MAD1L1: variants seen among roughly 807,000 people sequenced by gnomAD.
The protein encoded by MAD1L1 is mitotic spindle assembly checkpoint protein MAD1.
MAD1L1 carries 95 observed loss-of-function variants against 96.9 expected under a neutral mutation model. The ratio of observed to expected loss-of-function variants is 0.98; its 90% confidence interval spans 0.83 to 1.16. MAD1L1 has a LOEUF of 1.16. Ranked by LOEUF, MAD1L1 falls within the 50% of genes most tolerant of loss-of-function variation. The pLI, the probability that MAD1L1 is intolerant of heterozygous loss-of-function variation, is 0.00. For synonymous variants in MAD1L1, 473 were observed against 396.6 expected (o/e 1.19, Z -2.29); for missense variants, 1,007 against 954.4 (o/e 1.06, Z -0.73).
At chr7:1,965,177 A>G (rs1217616585) in intron 15 of MAD1L1, among the ~76,000 whole-genome samples, 1 of 152,194 alleles carries the variant, frequency 6.6e-6, no homozygotes, top group Admixed American at 6.5e-5. Context: ...GAGGCTGGCG[A>G]GTGGGGTACG....
At chr7:2,013,903 G>A (rs35745518) in intron 13 of MAD1L1, among the ~76,000 whole-genome samples, 50,199 of 152,140 alleles carry the variant, frequency 0.33, 8,452 homozygotes, top group Middle Eastern at 0.39. Context: ...ACAAGGGCAC[G>A]GAGCGTCACG....
At chr7:1,834,866 A>G (rs1296988066) in intron 18 of MAD1L1, among the ~76,000 whole-genome samples, 5 of 152,018 alleles carry the variant, frequency 3.3e-5, no homozygotes, top group Admixed American at 3.3e-4. Flanking sequence ...GCACCCCCCC[A>G]AAACTATGGA....
At chr7:1,985,560 T>G (rs1306102055) in intron 14 of MAD1L1, among the ~76,000 whole-genome samples, 1 of 152,240 alleles carries the variant, frequency 6.6e-6, no homozygotes, top group Non-Finnish European at 1.5e-5. Context: ...TTAGATGGTG[T>G]GTCTGTGTCT....
intron 11 of MAD1L1, among the ~76,000 whole-genome samples, chr7:2,098,640 A>T (rs759042198): frequency 6.6e-6 from 1 of 152,204 alleles, no homozygotes; most frequent in Non-Finnish European, 1.5e-5. Context: ...CATCCAGCAC[A>T]GCCCTGGTCA....
At position 1,828,927 on chromosome 7, in the gene MAD1L1, A is replaced by G. The variant is rs566091168; in HGVS notation, c.1999-12699T>C. On this transcript the variant is annotated intron_variant, in intron 18 of 18. Transcript: ENST00000265854. ...TTGACCTTCTAAGGATGAAGACAAC[A>G]AGTACGGGGGACGGATCCATGCCAG... Among the ~76,000 whole-genome samples, 6 of 152,352 alleles carry G rather than the reference A, an allele frequency of 3.9e-5. No individual in the cohort carries two copies. The South Asian group carries it at 1.2e-3, about 32-fold the overall frequency.
intron 11 of MAD1L1, among the ~76,000 whole-genome samples, chr7:2,098,853 G>C (rs1242094507): frequency 6.6e-6 from 1 of 152,240 alleles, no homozygotes; most frequent in Non-Finnish European, 1.5e-5. Flanking sequence ...TGGAGGAACA[G>C]AAGGAAAGCC....
At chr7:2,132,428 G>C (rs1189566654) in intron 11 of MAD1L1, among the ~76,000 whole-genome samples, 1 of 150,756 alleles carries the variant, frequency 6.6e-6, no homozygotes, top group Non-Finnish European at 1.5e-5. Context: ...TGCTGCGTGC[G>C]ACCGCGCGTC....
chr7:1,919,329 C>T (rs1788628292), intron 17 of MAD1L1, among the ~76,000 whole-genome samples: 1 of 152,270 alleles, frequency 6.6e-6, no homozygotes, highest in Admixed American at 6.5e-5. Flanking sequence ...CAGATGGACA[C>T]ACGGTGTGTT....
intron 5 of MAD1L1, among the ~76,000 whole-genome samples, chr7:2,221,969 G>C (rs149511101): frequency 6.6e-6 from 1 of 152,028 alleles, no homozygotes; most frequent in African/African-American, 2.4e-5. Flanking sequence ...GCTACCTGTC[G>C]CATACATACA....
At chr7:2,007,438 T>A (rs1782082546) in intron 13 of MAD1L1, among the ~76,000 whole-genome samples, 1 of 152,174 alleles carries the variant, frequency 6.6e-6, no homozygotes, top group Non-Finnish European at 1.5e-5. Context: ...TCCCAGCACT[T>A]TGGGAGGCCG....
At chr7:2,078,622 G>A (rs1785492402) in intron 11 of MAD1L1, among the ~76,000 whole-genome samples, 1 of 152,244 alleles carries the variant, frequency 6.6e-6, no homozygotes, top group Admixed American at 6.5e-5. Context: ...AGCCTCCTGA[G>A]CAGTTTCCCA....
chr7:1,898,456 G>T, intron 17 of MAD1L1, 66 bp from the exon 18 acceptor site: 9 of 1,451,144 alleles, frequency 6.2e-6, no homozygotes, highest in Non-Finnish European at 7.6e-6. Context: ...ACCCGGGAGC[G>T]GCCAGGGCAG....
intron 12 of MAD1L1, among the ~76,000 whole-genome samples, chr7:2,056,025 G>C (rs1031517716): frequency 1.5e-4 from 23 of 152,178 alleles, no homozygotes; most frequent in African/African-American, 5.1e-4. Flanking sequence ...TAGCATCAAG[G>C]CTGGCCGCAT....
At chr7:2,082,505 G>T (rs531067631) in intron 11 of MAD1L1, among the ~76,000 whole-genome samples, 1 of 152,234 alleles carries the variant, frequency 6.6e-6, no homozygotes, top group Non-Finnish European at 1.5e-5. Flanking sequence ...AATCAGAGCC[G>T]TGAGGCATGG....
chr7:2,031,817 T>C (rs972701192), intron 12 of MAD1L1, among the ~76,000 whole-genome samples: 1 of 152,224 alleles, frequency 6.6e-6, no homozygotes, highest in Non-Finnish European at 1.5e-5. Flanking sequence ...TGAGTGCAGT[T>C]TATTTGACAG....
intron 10 of MAD1L1, chr7:2,200,616 A>C (rs1792238942): frequency 6.6e-6 from 1 of 152,320 alleles, no homozygotes; most frequent in African/African-American, 2.4e-5. Flanking sequence ...CACTTAGTCC[A>C]CATGAGCCGC....
intron 11 of MAD1L1, among the ~76,000 whole-genome samples, chr7:2,099,999 C>T (rs986721085): frequency 2.6e-5 from 4 of 152,356 alleles, no homozygotes; most frequent in African/African-American, 9.6e-5. Context: ...GAGCTCCTTA[C>T]AGGTAGAGGT....
chr7:1,849,312 T>C (rs982247993), intron 18 of MAD1L1: 1 of 152,248 alleles, frequency 6.6e-6, no homozygotes, highest in Admixed American at 6.5e-5. Flanking sequence ...GGAGGGGCCA[T>C]GTTTACCAGC....
intron 7 of MAD1L1, among the ~76,000 whole-genome samples, chr7:2,216,702 A>G (rs1793303086): frequency 2.0e-5 from 3 of 152,092 alleles, no homozygotes; most frequent in Admixed American, 2.0e-4. Flanking sequence ...GAGCGGGCGC[A>G]GGGGGTACAC....
Sources: allele counts gnomAD v4.1 joint callset (sites outside exome capture counted in the v4.1 genomes callset), GRCh38; gene constraint gnomAD v4.1.1; transcripts MANE v1.5; gene names NCBI Gene and HGNC (gene_info 2026-07-23, HGNC 2026-07-21).